Variants in DLGAP2 observed in about 807,000 individuals in gnomAD.
DLGAP2 encodes DLG associated protein 2, also known as disks large-associated protein 2.
DLGAP2 carries 26 observed loss-of-function variants against 100.3 expected under a neutral mutation model. The ratio of observed to expected loss-of-function variants is 0.26; its 90% confidence interval spans 0.19 to 0.36. DLGAP2 has a LOEUF of 0.36. DLGAP2 is among the 10% of genes least tolerant of loss of function. The probability of loss-of-function intolerance (pLI) is 1.00; values close to 1 mark genes in which losing one functional copy is unlikely to be tolerated. For synonymous variants in DLGAP2, 886 were observed against 630.1 expected, an observed-to-expected ratio of 1.41 and a Z score of -6.08; for missense variants, 1,858 against 1,453.2, an observed-to-expected ratio of 1.28 and a Z score of -4.53.
chr8:1,133,647 C>T (rs1272197285), intron 2 of DLGAP2, among the ~76,000 whole-genome samples: 1 of 152,144 alleles, frequency 6.6e-6, no homozygotes, highest in East Asian at 1.9e-4. Context: ...TTTATTACAG[C>T]ATAAATTCTA....
intron 2 of DLGAP2, among the ~76,000 whole-genome samples, chr8:987,495 G>T (rs539287054): frequency 3.3e-4 from 51 of 152,276 alleles, no homozygotes; most frequent in Non-Finnish European, 1.2e-4. Context: ...GCACAGTTCT[G>T]CCGGACGCCC....
intron 2 of DLGAP2, among the ~76,000 whole-genome samples, chr8:1,040,457 G>A (rs1447077611): frequency 1.3e-5 from 2 of 149,460 alleles, no homozygotes; most frequent in South Asian, 4.3e-4. Context: ...AGTTTCCGTG[G>A]TCGTCTCGGT....
In DLGAP2 at chr8:1,691,403, C is replaced by T. The variant is rs192273802; in HGVS notation, c.2705-132C>T. The T allele has an allele frequency of 6.5e-5, 47 of 718,704 alleles. No homozygotes were observed. The East Asian group carries it at 1.1e-3, about 17-fold the overall frequency. 44.5% of individuals were successfully genotyped at this position (718,704 alleles called of 1,614,324 possible). ...CTAAGGCACGAGTCACCAGCGAACA[C>T]GCTCGGCACGATGAAGTCGTCAGTT... On this transcript the variant is annotated intron_variant, in intron 12 of 14. Coordinates refer to ENST00000637795, the MANE Select transcript of DLGAP2 (RefSeq NM_001346810.2).
intron 6 of DLGAP2, among the ~76,000 whole-genome samples, chr8:1,616,683 C>T (rs1797164693): frequency 6.6e-6 from 1 of 152,138 alleles, no homozygotes; most frequent in Non-Finnish European, 1.5e-5. Context: ...ACTTTTCAAA[C>T]AGAAGCTAAG....
intron 2 of DLGAP2, among the ~76,000 whole-genome samples, chr8:1,174,989 A>G (rs1403093568): frequency 6.6e-6 from 1 of 152,202 alleles, no homozygotes; most frequent in Non-Finnish European, 1.5e-5. Context: ...CAAGAATGAA[A>G]ATTAGATATT....
intron 3 of DLGAP2, among the ~76,000 whole-genome samples, chr8:1,273,136 C>T (rs1440487932): frequency 6.6e-6 from 1 of 152,216 alleles, no homozygotes; most frequent in African/African-American, 2.4e-5. Flanking sequence ...CTGTGGATAG[C>T]TATGCAGAGC....
chr8:1,534,554 C>G (rs922273574), intron 4 of DLGAP2, among the ~76,000 whole-genome samples: 1 of 152,220 alleles, frequency 6.6e-6, no homozygotes, highest in Non-Finnish European at 1.5e-5. Context: ...AATCACAAAA[C>G]TCCTTATGTT....
At chr8:1,072,535 C>T (rs574137088) in intron 2 of DLGAP2, among the ~76,000 whole-genome samples, 1 of 152,262 alleles carries the variant, frequency 6.6e-6, no homozygotes, top group African/African-American at 2.4e-5. Flanking sequence ...TTTCTCCCCG[C>T]GGTAGTGCAG....
intron 2 of DLGAP2, among the ~76,000 whole-genome samples, chr8:1,060,753 G>T (rs954788677): frequency 6.6e-6 from 1 of 152,200 alleles, no homozygotes; most frequent in African/African-American, 2.4e-5. Context: ...GGCATCCTGT[G>T]GGCTGCCTTT....
At chr8:1,169,721 T>C (rs887049544) in intron 2 of DLGAP2, among the ~76,000 whole-genome samples, 7 of 151,810 alleles carry the variant, frequency 4.6e-5, no homozygotes, top group African/African-American at 9.7e-5. Context: ...GTGATTTTTG[T>C]ACATTGATTT....
chr8:923,984 C>A (rs1044467196), intron 2 of DLGAP2, among the ~76,000 whole-genome samples: 3 of 152,294 alleles, frequency 2.0e-5, no homozygotes, highest in East Asian at 1.9e-4. Context: ...TAAGTTAAAT[C>A]AATGATGCTG....
At chr8:963,395 T>TA (rs376405669) in intron 2 of DLGAP2, among the ~76,000 whole-genome samples, 7 of 152,306 alleles carry the variant, frequency 4.6e-5, no homozygotes, top group African/African-American at 1.7e-4. Flanking sequence ...ACACAAAAGA[T>TA]AAAGAATAAC....
Position 1,156,703 on chromosome 8 carries a change from C to T in DLGAP2, c.74-102148C>T, listed in dbSNP as rs542867179. Among the ~76,000 whole-genome samples, 593 of 152,060 alleles carry T rather than the reference C, an allele frequency of 3.9e-3. 5 individuals carry two copies. The highest frequency in any genetic ancestry group is 5.6e-3 in the Admixed American group (86 of 15,268). On this transcript the variant is annotated intron_variant, in intron 2 of 14. Coordinates refer to ENST00000637795, the MANE Select transcript of DLGAP2 (RefSeq NM_001346810.2). The stretch of plus-strand genomic sequence containing the variant: ...AGCCCAGCACCCCAGCTCAGCAACC[C>T]GGCTCAGCGACCCGGCTCAGCACCC...
chr8:1,076,071 T>C (rs1803598349), intron 2 of DLGAP2, among the ~76,000 whole-genome samples: 1 of 151,998 alleles, frequency 6.6e-6, no homozygotes, highest in Non-Finnish European at 1.5e-5. Context: ...TAGCAAAAGG[T>C]AGGAGGATTT....
At chr8:1,325,522 C>T (rs560055479) in intron 3 of DLGAP2, among the ~76,000 whole-genome samples, 3 of 152,170 alleles carry the variant, frequency 2.0e-5, no homozygotes, top group Admixed American at 6.5e-5. Context: ...AAACTTTGTA[C>T]GCATACATTG....
chr8:1,290,105 G>C (rs1346738756), intron 3 of DLGAP2, among the ~76,000 whole-genome samples: 2 of 152,194 alleles, frequency 1.3e-5, no homozygotes, highest in East Asian at 3.8e-4. Context: ...TACCTGGGCT[G>C]CAGGTGCTGA....
At chr8:1,165,859 A>G (rs751003630) in intron 2 of DLGAP2, among the ~76,000 whole-genome samples, 16 of 112,558 alleles carry the variant, frequency 1.4e-4, no homozygotes, top group Middle Eastern at 4.6e-3. Context: ...GATTTAAGGG[A>G]AAAAAAAAAC....
intron 2 of DLGAP2, among the ~76,000 whole-genome samples, chr8:1,147,265 A>G (rs1032461158): frequency 1.3e-5 from 2 of 151,946 alleles, no homozygotes; most frequent in African/African-American, 4.9e-5. Context: ...CGTCAAAAAA[A>G]TGATGCTTTT....
At chr8:788,087 G>C (rs1315730802) in intron 1 of DLGAP2, among the ~76,000 whole-genome samples, 1 of 152,206 alleles carries the variant, frequency 6.6e-6, no homozygotes, top group African/African-American at 2.4e-5. Context: ...TGGCAGCTAT[G>C]TTGGGTCTCC....
Sources: gnomAD v4.1 joint callset for allele counts (sites outside exome capture counted in the v4.1 genomes callset) on GRCh38, gnomAD v4.1.1 for gene constraint, MANE v1.5 for transcripts, NCBI Gene and HGNC (gene_info 2026-07-23, HGNC 2026-07-21) for gene names.